AFF3: variants seen among roughly 807,000 people sequenced by gnomAD.
The protein encoded by AFF3 is ALF transcription elongation factor 3.
AFF3 carries 32 observed loss-of-function variants against 129.7 expected under a neutral mutation model. The ratio of observed to expected loss-of-function variants is 0.25; its 90% CI spans 0.19 to 0.33. The LOEUF (loss-of-function observed/expected upper bound fraction) is 0.33, where lower values mean the gene tolerates loss of function less well. Among genes scored for constraint, AFF3 ranks in the 10% least tolerant of loss-of-function variants. AFF3 has a pLI of 1.00. For missense variants in AFF3, 1,373 were observed against 1,592.0 expected (o/e 0.86, Z 2.34); for synonymous variants, 644 against 635.4 (o/e 1.01, Z -0.20).
At chr2:99,588,360 T>C (rs546581887) in intron 15 of AFF3, among the ~76,000 whole-genome samples, 8 of 152,252 alleles carry the variant, frequency 5.3e-5, no homozygotes, top group Middle Eastern at 3.4e-3. Flanking sequence ...GTATTTTTTG[T>C]AGAGACGGGG....
In AFF3 at chr2:99,947,759, T is replaced by C. The variant is rs151337572; in HGVS notation, c.873+58873A>G. ...GACCAGGGAGATCAGACGGAGGCAT[T>C]CAGGACTGGCTTGGGGAATGCACAT... On this transcript the variant is annotated intron_variant, in intron 7 of 24. Transcript: ENST00000672756. 1.9e-3 allele frequency among the ~76,000 whole-genome samples: 290 copies of C among 152,090 alleles called. 4 individuals carry two copies. Among genetic ancestry groups the C allele is most frequent in the African/African-American group, 6.8e-3 (280 of 41,478 alleles).
At chr2:99,940,282 T>A (rs907779830) in intron 7 of AFF3, among the ~76,000 whole-genome samples, 2 of 152,186 alleles carry the variant, frequency 1.3e-5, no homozygotes, top group Non-Finnish European at 2.9e-5. Flanking sequence ...ATATTCCAGT[T>A]CTCCATTTTA....
chr2:100,067,333 C>G (rs893703230), intron 4 of AFF3, among the ~76,000 whole-genome samples: 1 of 152,120 alleles, frequency 6.6e-6, no homozygotes, highest in African/African-American at 2.4e-5. Flanking sequence ...GGGAAAGTGC[C>G]TCTTATCTGT....
chr2:99,598,826 A>T (rs1679542393), intron 14 of AFF3, among the ~76,000 whole-genome samples: 1 of 152,244 alleles, frequency 6.6e-6, no homozygotes, highest in Non-Finnish European at 1.5e-5. Context: ...GAGGACACAC[A>T]GGGTGATGTT....
intron 7 of AFF3, among the ~76,000 whole-genome samples, chr2:99,914,008 T>C (rs1051168347): frequency 1.3e-5 from 2 of 152,180 alleles, no homozygotes; most frequent in Non-Finnish European, 2.9e-5. Flanking sequence ...ACTGTATTAA[T>C]TGCTTCTGGT....
intron 11 of AFF3, among the ~76,000 whole-genome samples, chr2:99,711,311 C>T (rs1319197457): frequency 6.6e-6 from 1 of 152,144 alleles, no homozygotes; most frequent in East Asian, 1.9e-4. Flanking sequence ...AGCCAACTCA[C>T]TTCTCTGAGA....
chr2:99,703,601 T>C (rs909630668), intron 11 of AFF3, among the ~76,000 whole-genome samples: 2 of 152,198 alleles, frequency 1.3e-5, no homozygotes, highest in Non-Finnish European at 2.9e-5. Flanking sequence ...AAGTCTGCCA[T>C]TTTCTTCGTT....
At chr2:100,066,155 A>T (rs1242923186) in intron 4 of AFF3, among the ~76,000 whole-genome samples, 1 of 152,204 alleles carries the variant, frequency 6.6e-6, no homozygotes, top group African/African-American at 2.4e-5. Flanking sequence ...TGAGGGGAAG[A>T]AAGTAGAAAC....
intron 7 of AFF3, among the ~76,000 whole-genome samples, chr2:99,898,784 T>A (rs1694160276): frequency 6.6e-6 from 1 of 152,166 alleles, no homozygotes; most frequent in Non-Finnish European, 1.5e-5. Flanking sequence ...CATCTCAGCA[T>A]AAAATTCTAA....
At chr2:99,703,645 C>CTTTTT in intron 11 of AFF3, among the ~76,000 whole-genome samples, 1 of 146,966 alleles carries the variant, frequency 6.8e-6, no homozygotes, top group Non-Finnish European at 1.5e-5. Context: ...TCATTTCTCT[C>CTTTTT]TTTTTTTTTT....
intron 4 of AFF3, among the ~76,000 whole-genome samples, chr2:100,085,658 T>A (rs1443450755): frequency 6.6e-6 from 1 of 151,158 alleles, no homozygotes; most frequent in Non-Finnish European, 1.5e-5. Context: ...AAATAAGCAT[T>A]TAGTTATAGG....
intron 4 of AFF3, among the ~76,000 whole-genome samples, chr2:100,026,096 G>A (rs1221528178): frequency 2.6e-5 from 4 of 151,988 alleles, no homozygotes; most frequent in Non-Finnish European, 4.4e-5. Flanking sequence ...AGGAACAGTC[G>A]GCACAGTAAA....
chr2:99,901,391 C>T (rs866970800), intron 7 of AFF3, among the ~76,000 whole-genome samples: 3 of 152,190 alleles, frequency 2.0e-5, no homozygotes, highest in Non-Finnish European at 2.9e-5. Context: ...GTGTTTCTCC[C>T]GCTGTCAAGT....
chr2:99,966,534 C>CA, intron 7 of AFF3, among the ~76,000 whole-genome samples: 1 of 149,440 alleles, frequency 6.7e-6, no homozygotes, highest in South Asian at 2.1e-4. Flanking sequence ...ACTAAAAATA[C>CA]AAAAAATTAG....
At chr2:99,821,725 C>T (rs1187939578) in intron 8 of AFF3, among the ~76,000 whole-genome samples, 3 of 152,130 alleles carry the variant, frequency 2.0e-5, no homozygotes, top group Admixed American at 6.5e-5. Context: ...GTAGGTTTGC[C>T]GACACTAACA....
intron 11 of AFF3, among the ~76,000 whole-genome samples, chr2:99,698,459 T>C (rs1237970558): frequency 5.9e-5 from 9 of 152,240 alleles, no homozygotes; most frequent in Non-Finnish European, 4.4e-5. Context: ...GGGTGTTGAT[T>C]CTGGCTAACC....
At chr2:99,616,074 T>C (rs1247524135) in intron 13 of AFF3, among the ~76,000 whole-genome samples, 1 of 152,202 alleles carries the variant, frequency 6.6e-6, no homozygotes, top group Non-Finnish European at 1.5e-5. Flanking sequence ...GGCACCTCTG[T>C]AAACCCATCT....
chr2:99,885,522 A>G lies in AFF3; in HGVS notation c.874-47998T>C, dbSNP rs182555937. On this transcript the variant is annotated intron_variant, in intron 7 of 24. Coordinates refer to ENST00000672756, the MANE Select transcript of AFF3 (RefSeq NM_001386135.1). Reference sequence around the variant, plus strand: ...ATTTAAAACTTATTTTCTTGTTCCTACTTTCAATCAAGGAATCATGAGTCT... The same window carrying G: ...ATTTAAAACTTATTTTCTTGTTCCTGCTTTCAATCAAGGAATCATGAGTCT... 2.7e-3 allele frequency among the ~76,000 whole-genome samples: 404 copies of G among 152,290 alleles called. 2 individuals carry two copies. Among genetic ancestry groups the G allele is most frequent in the African/African-American group, 9.4e-3 (389 of 41,562 alleles).
chr2:99,598,239 A>AT (rs1259710526), intron 14 of AFF3, among the ~76,000 whole-genome samples: 2 of 151,866 alleles, frequency 1.3e-5, no homozygotes, highest in African/African-American at 2.4e-5. Flanking sequence ...TTTTTATTTT[A>AT]TTTTTTTCCT....
Sources: allele counts gnomAD v4.1 joint callset (sites outside exome capture counted in the v4.1 genomes callset), GRCh38; gene constraint gnomAD v4.1.1; transcripts MANE v1.5; gene names NCBI Gene and HGNC (gene_info 2026-07-23, HGNC 2026-07-21).